Variants in LRMDA observed in about 807,000 individuals in gnomAD.
The protein encoded by LRMDA is leucine rich melanocyte differentiation associated.
Under a neutral mutation model 29.8 loss-of-function variants are expected in LRMDA, and 18 were observed. The ratio of observed to expected loss-of-function variants is 0.60; its 90% CI spans 0.42 to 0.90. LRMDA has a LOEUF of 0.90. LRMDA is among the 40% of genes least tolerant of loss of function. The pLI is 0.00. For synonymous variants in LRMDA, 125 were observed against 109.4 expected, an observed-to-expected ratio of 1.14 and a Z score of -0.89; for missense variants, 273 against 273.9, an observed-to-expected ratio of 1.00 and a Z score of 0.02.
At chr10:75,624,895 G>A (rs181603241) in intron 2 of LRMDA, among the ~76,000 whole-genome samples, 148 of 152,222 alleles carry the variant, frequency 9.7e-4, no homozygotes, top group Middle Eastern at 6.8e-3. Flanking sequence ...CCTAACCAAG[G>A]CACACTAATA....
intron 6 of LRMDA, among the ~76,000 whole-genome samples, chr10:76,543,233 C>T (rs1450296513): frequency 6.6e-6 from 1 of 152,018 alleles, no homozygotes. Flanking sequence ...ACATGGCACT[C>T]AGGAGCTTTT....
chr10:76,069,540 A>G (rs1848841450), intron 5 of LRMDA, among the ~76,000 whole-genome samples: 1 of 151,870 alleles, frequency 6.6e-6, no homozygotes, highest in Admixed American at 6.6e-5. Flanking sequence ...CATTACCTGA[A>G]TTAGAACTCA....
chr10:75,810,591 C>A (rs145111016), intron 2 of LRMDA, among the ~76,000 whole-genome samples: 3 of 152,246 alleles, frequency 2.0e-5, no homozygotes, highest in Non-Finnish European at 4.4e-5. Context: ...ACCAATTTCA[C>A]ACAACTTGTT....
rs1225592039 is a variant in LRMDA, at chr10:76,551,547, A to G, written c.602-5662A>G. ...CAAAGCCGTACACATTTGATAGAAG[A>G]TGTAACCCCATTGTAAGTTGAAGGG... On this transcript the variant is annotated intron_variant, in intron 6 of 6. Transcript: ENST00000611255. Among the ~76,000 whole-genome samples the G allele has an allele frequency of 2.0e-5, 3 of 152,204 alleles. No individual in the cohort carries two copies. The East Asian group carries it at 5.8e-4, about 29-fold the overall frequency.
chr10:76,125,452 G>A (rs956059997), intron 5 of LRMDA, among the ~76,000 whole-genome samples: 7 of 152,222 alleles, frequency 4.6e-5, no homozygotes, highest in African/African-American at 1.7e-4. Context: ...ATATTTGGAA[G>A]TTGCATGTAC....
At chr10:75,632,625 A>C (rs1386227596) in intron 2 of LRMDA, among the ~76,000 whole-genome samples, 1 of 152,116 alleles carries the variant, frequency 6.6e-6, no homozygotes, top group Non-Finnish European at 1.5e-5. Context: ...ATTAAAAAAA[A>C]GATCAGATTT....
chr10:76,043,335 G>A (rs1490039979), intron 3 of LRMDA, among the ~76,000 whole-genome samples: 2 of 152,106 alleles, frequency 1.3e-5, no homozygotes, highest in African/African-American at 2.4e-5. Context: ...GATACTGTTG[G>A]AAGAATTTAA....
intron 5 of LRMDA, among the ~76,000 whole-genome samples, chr10:76,102,200 C>A (rs918228278): frequency 6.6e-6 from 1 of 152,140 alleles, no homozygotes; most frequent in African/African-American, 2.4e-5. Context: ...GTGTTTCCAT[C>A]TTTTCACTAT....
intron 2 of LRMDA, among the ~76,000 whole-genome samples, chr10:75,800,580 T>G (rs892193263): frequency 1.2e-4 from 19 of 152,314 alleles, no homozygotes; most frequent in African/African-American, 4.3e-4. Flanking sequence ...TATTTTACCT[T>G]TCAATTACAG....
At chr10:75,763,927 C>T (rs1009881703) in intron 2 of LRMDA, among the ~76,000 whole-genome samples, 1 of 152,080 alleles carries the variant, frequency 6.6e-6, no homozygotes, top group Non-Finnish European at 1.5e-5. Context: ...TGATGCTTTC[C>T]AAGAAGCCTT....
At chr10:75,657,924 G>C (rs1229341606) in intron 2 of LRMDA, among the ~76,000 whole-genome samples, 1 of 152,094 alleles carries the variant, frequency 6.6e-6, no homozygotes, top group African/African-American at 2.4e-5. Context: ...GCTCTGCCAT[G>C]GTTCTGTAAG....
chr10:75,972,983 T>G (rs1357827685), intron 2 of LRMDA, among the ~76,000 whole-genome samples: 1 of 150,672 alleles, frequency 6.6e-6, no homozygotes, highest in African/African-American at 2.4e-5. Flanking sequence ...TAAGACTATA[T>G]TGGGAGTAAG....
intron 2 of LRMDA, among the ~76,000 whole-genome samples, chr10:76,000,038 A>T (rs369103097): frequency 1.1e-3 from 166 of 152,358 alleles, no homozygotes; most frequent in Middle Eastern, 3.4e-3. Flanking sequence ...GTCAAAAAAA[A>T]GCTGGGCTGA....
intron 2 of LRMDA, among the ~76,000 whole-genome samples, chr10:75,455,961 C>G (rs1844510862): frequency 6.6e-6 from 1 of 152,178 alleles, no homozygotes; most frequent in Admixed American, 6.5e-5. Context: ...GGTTGGAATC[C>G]ACAAGAGAAA....
At chr10:75,961,596 T>C (rs890297848) in intron 2 of LRMDA, among the ~76,000 whole-genome samples, 4 of 152,176 alleles carry the variant, frequency 2.6e-5, no homozygotes, top group African/African-American at 9.7e-5. Flanking sequence ...ACATCAGAGC[T>C]CCTACTTCTC....
chr10:75,704,593 CAG>C (rs1275956585), intron 2 of LRMDA, among the ~76,000 whole-genome samples: 1 of 152,184 alleles, frequency 6.6e-6, no homozygotes, highest in African/African-American at 2.4e-5. Context: ...AGTTCTTTTT[CAG>C]AGTTAGTGAT....
intron 2 of LRMDA, among the ~76,000 whole-genome samples, chr10:75,982,314 TC>T (rs781264968): frequency 6.6e-5 from 10 of 152,116 alleles, no homozygotes; most frequent in Non-Finnish European, 1.0e-4. Flanking sequence ...AAGGGGCGAT[TC>T]CCCCTTACAT....
chr10:75,774,483 A>G (rs149935005), intron 2 of LRMDA, among the ~76,000 whole-genome samples: 55 of 152,322 alleles, frequency 3.6e-4, no homozygotes, highest in African/African-American at 1.2e-3. Flanking sequence ...GCTGTCATGT[A>G]TCTGGTGGAT....
At chr10:75,714,522 T>C (rs912342730) in intron 2 of LRMDA, among the ~76,000 whole-genome samples, 1 of 152,250 alleles carries the variant, frequency 6.6e-6, no homozygotes, top group African/African-American at 2.4e-5. Flanking sequence ...GGCTCATACA[T>C]GGCCCAGAAA....
Sources: allele counts gnomAD v4.1 joint callset (sites outside exome capture counted in the v4.1 genomes callset), GRCh38; gene constraint gnomAD v4.1.1; transcripts MANE v1.5; gene names NCBI Gene and HGNC (gene_info 2026-07-23, HGNC 2026-07-21).